The following LOC400499 variants were observed in gnomAD, a reference collection of about 807,000 sequenced individuals.
chr16:11,418,658 G>C, the LOC400499 span, among the ~76,000 whole-genome samples: 1 of 152,226 alleles, frequency 6.6e-6, no homozygotes, highest in African/African-American at 2.4e-5. Context: ...CTCCCTTGCG[G>C]TCTGGATCGA....
At chr16:11,460,564 C>T in the LOC400499 span, 1 of 1,535,572 alleles carries the variant, frequency 6.5e-7, no homozygotes, top group South Asian at 1.2e-5. Context: ...TGTCTGCCCG[C>T]AGCTTCTGGC....
the LOC400499 span, chr16:11,385,034 C>CCCGGCAGGGAGGAGTTGT: frequency 3.2e-6 from 4 of 1,232,188 alleles, no homozygotes; most frequent in Non-Finnish European, 4.0e-6. Context: ...ACAACTGTCC[C>CCCGGCAGGGAGGAGTTGT]CCGGCAGGGA....
the LOC400499 span, among the ~76,000 whole-genome samples, chr16:11,403,600 C>G: frequency 3.3e-5 from 5 of 152,192 alleles, no homozygotes; most frequent in Non-Finnish European, 2.9e-5. Flanking sequence ...AGGATTCCAT[C>G]AGGCCACCTG....
At chr16:11,390,558 G>C in the LOC400499 span, 1 of 1,005,890 alleles carries the variant, frequency 9.9e-7, no homozygotes, top group Non-Finnish European at 1.3e-6. Flanking sequence ...GATAGGGCCT[G>C]TTCCTGGGAT....
At chr16:11,462,653 G>C in the LOC400499 span, among the ~76,000 whole-genome samples, 1 of 152,080 alleles carries the variant, frequency 6.6e-6, no homozygotes, top group African/African-American at 2.4e-5. Context: ...AAGGTCCTGA[G>C]CACAAGTGAT....
the LOC400499 span, among the ~76,000 whole-genome samples, chr16:11,379,062 A>G: frequency 6.6e-6 from 1 of 152,170 alleles, no homozygotes; most frequent in African/African-American, 2.4e-5. Flanking sequence ...TCAGGAGTTC[A>G]AGAGCAGCCT....
chr16:11,435,225 A>G, the LOC400499 span, among the ~76,000 whole-genome samples: 3 of 150,266 alleles, frequency 2.0e-5, no homozygotes, highest in South Asian at 2.1e-4. Flanking sequence ...CAATCCTCCC[A>G]CCTCAGCCTC....
the LOC400499 span, among the ~76,000 whole-genome samples, chr16:11,520,863 C>T: frequency 4.1e-4 from 62 of 152,108 alleles, no homozygotes; most frequent in African/African-American, 1.5e-3. Flanking sequence ...CATTAACCTC[C>T]CAAGGGGCCA....
chr16:11,376,689 G>A, the LOC400499 span, among the ~76,000 whole-genome samples: 1 of 152,258 alleles, frequency 6.6e-6, no homozygotes, highest in East Asian at 1.9e-4. Context: ...TTGAAATTGT[G>A]TATCAACTTT....
At chr16:11,395,288 G>A in the LOC400499 span, among the ~76,000 whole-genome samples, 1 of 152,196 alleles carries the variant, frequency 6.6e-6, no homozygotes, top group African/African-American at 2.4e-5. Flanking sequence ...AAACAAGGCT[G>A]GGAAAGCCTT....
the LOC400499 span, among the ~76,000 whole-genome samples, chr16:11,503,002 GCCT>G: frequency 1.5e-5 from 2 of 137,694 alleles, no homozygotes; most frequent in Admixed American, 1.6e-4. Flanking sequence ...TCTCACTGCA[GCCT>G]CAACCTCCTG....
chr16:11,452,439 C>T, the LOC400499 span, among the ~76,000 whole-genome samples: 1 of 152,162 alleles, frequency 6.6e-6, no homozygotes, highest in South Asian at 2.1e-4. Context: ...GGAAACAGAC[C>T]TAGAGCTGAC....
the LOC400499 span, among the ~76,000 whole-genome samples, chr16:11,427,364 A>C: frequency 1.3e-5 from 2 of 150,910 alleles, no homozygotes; most frequent in South Asian, 2.1e-4. Context: ...AAAAAAAAAA[A>C]AAAAAAAAAA....
At chr16:11,461,162 G>C in the LOC400499 span, 3 of 1,496,212 alleles carry the variant, frequency 2.0e-6, no homozygotes, top group South Asian at 2.5e-5. Context: ...TCAGCCCCCA[G>C]GGACCAGCAC....
chr16:11,453,480 C>T, the LOC400499 span, among the ~76,000 whole-genome samples: 9 of 152,076 alleles, frequency 5.9e-5, no homozygotes, highest in African/African-American at 2.2e-4. Context: ...CCCTGAAATT[C>T]TGTAACTTAT....
chr16:11,397,461 G>C, the LOC400499 span, among the ~76,000 whole-genome samples: 1 of 152,110 alleles, frequency 6.6e-6, no homozygotes, highest in African/African-American at 2.4e-5. Context: ...TTTTAGTAGA[G>C]AAGAGGTTTC....
chr16:11,484,181 G>C, the LOC400499 span, among the ~76,000 whole-genome samples: 1 of 151,448 alleles, frequency 6.6e-6, no homozygotes, highest in Non-Finnish European at 1.5e-5. Context: ...CTAATTTTTT[G>C]TATTCTTAGT....
chr16:11,400,749 C>T, the LOC400499 span, among the ~76,000 whole-genome samples: 2 of 152,176 alleles, frequency 1.3e-5, no homozygotes, highest in Non-Finnish European at 2.9e-5. Flanking sequence ...CCCCTCTTTA[C>T]TACTTTACAG....
chr16:11,520,638 G>C, the LOC400499 span, among the ~76,000 whole-genome samples: 1 of 132,150 alleles, frequency 7.6e-6, no homozygotes, highest in South Asian at 2.4e-4. Context: ...TTGCACGCCA[G>C]CCTGGGCGAC....
Sources: gnomAD v4.1 joint callset for allele counts (sites outside exome capture counted in the v4.1 genomes callset) on GRCh38, gnomAD v4.1.1 for gene constraint, MANE v1.5 for transcripts.